Variants in MAX observed in about 807,000 individuals in gnomAD.
The protein encoded by MAX is MYC associated transcriptional regulator X.
In MAX, 3 loss-of-function variants were observed where a neutral mutation model predicts 22.3. The observed-to-expected ratio is 0.13, with a 90% CI of 0.06 to 0.35. MAX has a LOEUF of 0.35. MAX is among the 10% of genes least tolerant of loss of function. The probability of loss-of-function intolerance (pLI) is 1.00; values close to 1 mark genes in which losing one functional copy is unlikely to be tolerated. For missense variants in MAX, 119 were observed against 209.4 expected, an observed-to-expected ratio of 0.57 and a Z score of 2.66; for synonymous variants, 72 against 77.7, an observed-to-expected ratio of 0.93 and a Z score of 0.39.
intron 3 of MAX, among the ~76,000 whole-genome samples, chr14:65,080,930 G>A (rs1350786673): frequency 1.3e-5 from 2 of 152,236 alleles, no homozygotes; most frequent in Admixed American, 6.5e-5. Flanking sequence ...TTAGGATCAA[G>A]AAGTGAAAAG....
In MAX at chr14:65,041,558, CT is replaced by C. The variant is rs377706877; in HGVS notation, c.172-35275del. 1.1e-3 allele frequency among the ~76,000 whole-genome samples: 171 copies of C among 152,298 alleles called. 2 individuals carry two copies. Among genetic ancestry groups the C allele is most frequent in the African/African-American group, 3.7e-3 (154 of 41,566 alleles). On this transcript the variant is annotated intron_variant, in intron 3 of 3. Coordinates refer to the MAX transcript ENST00000341653. The stretch of plus-strand genomic sequence containing the variant: ...ATGTCATTTGGGGAGCATGTACCCC[CT>C]GACCATGACGTCAAAGCAAACCAGC...
At chr14:65,006,330 T>TAA (rs762819957) in intron 3 of MAX, 9 of 1,606,918 alleles carry the variant, frequency 5.6e-6, no homozygotes, top group Admixed American at 3.4e-5. Flanking sequence ...AGTATAGTCT[T>TAA]TCCCTTAACT....
At chr14:65,098,240 C>G (rs2063724476) in intron 2 of MAX, among the ~76,000 whole-genome samples, 1 of 152,194 alleles carries the variant, frequency 6.6e-6, no homozygotes, top group African/African-American at 2.4e-5. Context: ...AGAAAAAGTA[C>G]ATGCATTGTG....
At chr14:65,017,964 A>G (rs895692702) in intron 3 of MAX, among the ~76,000 whole-genome samples, 1 of 152,226 alleles carries the variant, frequency 6.6e-6, no homozygotes, top group Non-Finnish European at 1.5e-5. Flanking sequence ...CAAAAAAATA[A>G]ATAAATAAAA....
rs1355696151 is a variant in MAX at position 65,009,186 on chromosome 14, C to T, written c.172-2902G>A. Among the ~76,000 whole-genome samples, 1 of 152,104 alleles carries T rather than the reference C, an allele frequency of 6.6e-6. No homozygotes were observed. The highest frequency in any genetic ancestry group is 2.4e-5 in the African/African-American group (1 of 41,380). The stretch of plus-strand genomic sequence containing the variant: ...TGAGGGTATTAGTCAGCTTGGGCTG[C>T]CATAAGACGGTATCACAGATGGGGT... On this transcript the variant is annotated intron_variant, in intron 3 of 3. Transcript: ENST00000341653. This position sits in a 1 kb window ranked among gnomAD's most constrained non-coding sequence, Gnocchi z 4.2.
rs876659562 is a variant in MAX at position 65,077,939 on chromosome 14, C to G, written c.269G>C (p.Arg90Pro). ...THQQDIDDLK[R>P]QNALLEQQVR... ...TTGCTGCTCCAGAAGAGCATTCTGC[C>G]GCTTGAGGTCGTCAATATCTTGCTG... The change falls in exon 4 of 5, where the codon CGG becomes CCG. Residue 90 changes from arginine to proline, a missense_variant. Physicochemically the swap from Arg to Pro is moderately radical, Grantham distance 103. Transcript: ENST00000358664. This position sits in a 1 kb window ranked among gnomAD's most constrained non-coding sequence, Gnocchi z 6.3. 6.2e-7 allele frequency: 1 copy of G among 1,614,206 alleles called. No individual in the cohort carries two copies. The highest frequency in any genetic ancestry group is 8.5e-7 in the Non-Finnish European group (1 of 1,180,030).
Position 65,084,295 on chromosome 14 carries a change from T to A in MAX, c.172-6259A>T. 6.6e-7 allele frequency: 1 copy of A among 1,512,690 alleles called. No homozygotes were observed. The highest frequency in any genetic ancestry group is 1.1e-5 in the South Asian group (1 of 89,030). 93.7% of individuals were successfully genotyped at this position (1,512,690 alleles called of 1,614,324 possible). A position where few individuals can be genotyped will look rare whatever the true frequency, so the allele number is the denominator to read the frequency against. On this transcript the variant is annotated intron_variant, in intron 3 of 4. Coordinates refer to ENST00000358664, the MANE Select transcript of MAX (RefSeq NM_002382.5). This position sits in a 1 kb window ranked among gnomAD's most constrained non-coding sequence, Gnocchi z 4.3. ...AGTACACAATTTCCAAAAGAGGAAA[T>A]AGAGCTAGTAAATAAACATGTGGAA...
At chr14:65,042,022 G>C (rs758774090) in intron 3 of MAX, among the ~76,000 whole-genome samples, 1 of 152,010 alleles carries the variant, frequency 6.6e-6, no homozygotes, top group Non-Finnish European at 1.5e-5. Context: ...TATAAGGTAG[G>C]GATAACAATC....
At chr14:65,101,664 G>T in intron 1 of MAX, 92 bp from the exon 2 acceptor site, 1 of 983,900 alleles carries the variant, frequency 1.0e-6, no homozygotes, top group Non-Finnish European at 1.6e-6. Flanking sequence ...CGGCGGCAGA[G>T]GAAGCGGAGG....
At chr14:65,061,560 C>T in intron 3 of MAX, 1 of 449,590 alleles carries the variant, frequency 2.2e-6, no homozygotes, top group Non-Finnish European at 3.9e-6. Flanking sequence ...GGTTGGTGAA[C>T]AGTGCATGCC....
At chr14:65,019,553 C>G (rs1285224602) in intron 3 of MAX, among the ~76,000 whole-genome samples, 1 of 152,114 alleles carries the variant, frequency 6.6e-6, no homozygotes, top group African/African-American at 2.4e-5. Context: ...CTACAATGAT[C>G]TTTTATTATT....
Position 65,079,809 on chromosome 14 carries a change from C to T in MAX, c.172-1773G>A, listed in dbSNP as rs777389386. On this transcript the variant is annotated intron_variant, in intron 3 of 4. Transcript: ENST00000358664. The surrounding 1 kb of genome is among the most constrained non-coding windows in gnomAD (Gnocchi z 4.5). ...GAGTTTCAGAAAGGTTTGTAAGGCC[C>T]GTGCTTATTCATAAGTCCTCACAAG... Among the ~76,000 whole-genome samples the T allele has an allele frequency of 2.0e-5, 3 of 152,162 alleles. No homozygotes were observed. The highest frequency in any genetic ancestry group is 7.2e-5 in the African/African-American group (3 of 41,444).
Position 65,012,248 on chromosome 14 carries a change from G to A in MAX, c.172-5964C>T, listed in dbSNP as rs117536414. 3.5e-3 allele frequency: 5,572 copies of A among 1,577,288 alleles called. 95 individuals are homozygous for A. In the East Asian group the frequency reaches 0.045, roughly 13 times the overall value. On this transcript the variant is annotated intron_variant, in intron 3 of 3. Coordinates refer to the MAX transcript ENST00000341653. The surrounding 1 kb of genome is among the most constrained non-coding windows in gnomAD (Gnocchi z 5.0). The stretch of plus-strand genomic sequence containing the variant: ...TGAGTGTTTACCCGTGTGTGTGTAC[G>A]TGCACATACGTGTGTATGGTGGAAG...
chr14:65,070,185 A>T (rs1282682713), downstream of MAX, among the ~76,000 whole-genome samples: 1 of 152,220 alleles, frequency 6.6e-6, no homozygotes, highest in Non-Finnish European at 1.5e-5. The surrounding 1 kb of genome is among the most constrained non-coding windows in gnomAD (Gnocchi z 4.4). Context: ...GGGTTCCTGC[A>T]GAAGTAGGCT....
intron 3 of MAX, among the ~76,000 whole-genome samples, chr14:65,049,230 G>A (rs1328319892): frequency 6.6e-6 from 1 of 151,998 alleles, no homozygotes; most frequent in East Asian, 1.9e-4. Context: ...AGGCCTGTGA[G>A]TTTCCACTTG....
Position 65,084,396 on chromosome 14 carries a change from C to CAAAAAAAA in MAX, c.172-6368_172-6361dup. 8.8e-6 allele frequency: 5 copies of CAAAAAAAA among 571,006 alleles called. No individual in the cohort carries two copies. The highest frequency in any genetic ancestry group is 5.9e-5 in the Admixed American group (2 of 33,770). 35.4% of individuals were successfully genotyped at this position (571,006 alleles called of 1,614,324 possible). The stretch of plus-strand genomic sequence containing the variant: ...GTTTACTGAATTAGTTACCCTCTTC[C>CAAAAAAAA]AAAAAAAAAAATTCCAGTGATAATG... On this transcript the variant is annotated intron_variant, in intron 3 of 4. Coordinates refer to ENST00000358664, the MANE Select transcript of MAX (RefSeq NM_002382.5). The surrounding 1 kb of genome is among the most constrained non-coding windows in gnomAD (Gnocchi z 4.3).
At chr14:65,058,466 T>G (rs545823416) in intron 3 of MAX, among the ~76,000 whole-genome samples, 47 of 152,314 alleles carry the variant, frequency 3.1e-4, no homozygotes, top group Non-Finnish European at 6.8e-4. Context: ...TTTTCTTGCC[T>G]TGTATTGTTG....
chr14:65,061,217 A>G, intron 3 of MAX: 1 of 1,614,180 alleles, frequency 6.2e-7, no homozygotes, highest in Non-Finnish European at 8.5e-7. Context: ...TGGACCAGAC[A>G]AGGTGATCCA....
chr14:65,026,129 AAGAAGG>A (rs1358426123), intron 3 of MAX, among the ~76,000 whole-genome samples: 2 of 152,192 alleles, frequency 1.3e-5, no homozygotes, highest in Non-Finnish European at 2.9e-5. Context: ...GCGCCCAGGA[AAGAAGG>A]CCCCATGAAC....
Sources: gnomAD v4.1 joint callset for allele counts (sites outside exome capture counted in the v4.1 genomes callset) on GRCh38, gnomAD v4.1.1 for gene constraint, Gnocchi (gnomAD v3.1) non-coding constraint, MANE v1.5 for transcripts, NCBI Gene and HGNC (gene_info 2026-07-23, HGNC 2026-07-21) for gene names.